The following PCDH15 variants were observed in gnomAD, a reference collection of about 807,000 sequenced individuals.
PCDH15 encodes the protein protocadherin-15.
A neutral mutation model predicts 178.5 loss-of-function variants in PCDH15; 129 were observed. The ratio of observed to expected loss-of-function variants is 0.72; its 90% CI spans 0.63 to 0.84. The LOEUF (loss-of-function observed/expected upper bound fraction) is 0.84, where lower values mean the gene tolerates loss of function less well. Among genes scored for constraint, PCDH15 ranks in the 40% least tolerant of loss-of-function variants. The pLI, the probability that PCDH15 is intolerant of heterozygous loss-of-function variation, is 0.00. For missense variants in PCDH15, 2,230 were observed against 2,099.9 expected, an observed-to-expected ratio of 1.06 and a Z score of -1.21; for synonymous variants, 800 against 732.0, an observed-to-expected ratio of 1.09 and a Z score of -1.50.
chr10:55,071,641 A>G (rs565053239), intron 2 of PCDH15, among the ~76,000 whole-genome samples: 1 of 152,246 alleles, frequency 6.6e-6, no homozygotes, highest in Admixed American at 6.5e-5. Context: ...CCCACACAAT[A>G]ATAATGGGAG....
intron 1 of PCDH15, among the ~76,000 whole-genome samples, chr10:54,671,539 T>C (rs1327229525): frequency 6.6e-6 from 1 of 152,164 alleles, no homozygotes; most frequent in African/African-American, 2.4e-5. Flanking sequence ...TAGTTAAAAC[T>C]TGTGAGAATC....
intron 32 of PCDH15, chr10:53,823,764 C>A: frequency 2.2e-6 from 1 of 451,484 alleles, no homozygotes; most frequent in Non-Finnish European, 4.4e-6. Context: ...GCCTGTTACG[C>A]ATAGAAGATT....
intron 2 of PCDH15, among the ~76,000 whole-genome samples, chr10:55,471,904 A>T (rs1839963392): frequency 6.6e-6 from 1 of 152,162 alleles, no homozygotes; most frequent in Non-Finnish European, 1.5e-5. Context: ...AATGAGCCAA[A>T]CTAAAGTTAG....
chr10:54,266,992 A>T (rs1346351798), intron 8 of PCDH15, among the ~76,000 whole-genome samples: 1 of 151,936 alleles, frequency 6.6e-6, no homozygotes, highest in African/African-American at 2.4e-5. Flanking sequence ...AGAAAACCCT[A>T]GGCCAATATA....
chr10:53,821,873 T>TTGAC lies in PCDH15; in HGVS notation c.4368-1647_4368-1644dup, dbSNP rs757543551. The TTGAC allele has an allele frequency of 7.4e-6, 12 of 1,613,302 alleles. No individual in the cohort carries two copies. Among genetic ancestry groups the TTGAC allele is most frequent in the East Asian group, 2.2e-5 (1 of 44,860 alleles). ...AAAAGCAACATTACAGTGAAGTAGATTGACTGTGAGATTGTTTTTCAGTTC... is the reference window on the plus strand; with the variant it reads ...AAAAGCAACATTACAGTGAAGTAGATTGACTGACTGTGAGATTGTTTTTCAGTTC... On this transcript the variant is annotated intron_variant, in intron 32 of 37. Coordinates refer to ENST00000644397, the MANE Select transcript of PCDH15 (RefSeq NM_001384140.1).
At chr10:54,033,584 G>A (rs2093351367) in intron 18 of PCDH15, among the ~76,000 whole-genome samples, 1 of 151,778 alleles carries the variant, frequency 6.6e-6, no homozygotes, top group East Asian at 1.9e-4. Context: ...GCAACTCAGG[G>A]TATCTCTGAG....
intron 2 of PCDH15, among the ~76,000 whole-genome samples, chr10:54,934,894 C>A (rs1837867381): frequency 6.6e-6 from 1 of 151,936 alleles, no homozygotes; most frequent in South Asian, 2.1e-4. Context: ...GAATACTATG[C>A]AGCCATAAAA....
At chr10:54,206,582 C>T (rs1016507801) in intron 10 of PCDH15, among the ~76,000 whole-genome samples, 2 of 152,042 alleles carry the variant, frequency 1.3e-5, no homozygotes, top group African/African-American at 2.4e-5. Context: ...AAAGTACCTT[C>T]TATGAATTAG....
chr10:55,625,447 G>C lies in PCDH15; in HGVS notation c.-156+2178C>G, dbSNP rs140051778. Among the ~76,000 whole-genome samples, 81 of 152,178 alleles carry C rather than the reference G, an allele frequency of 5.3e-4. 2 individuals carry two copies. In the East Asian group the frequency reaches 0.014, roughly 27 times the overall value. ...CTGTAAATTTCATAGAATACTTCTT[G>C]AACTAGCAGAACTGGAATCACCCAT... On this transcript the variant is annotated intron_variant, in intron 2 of 5. Transcript: ENST00000613346.
chr10:53,919,609 A>G (rs910276790), intron 25 of PCDH15, among the ~76,000 whole-genome samples: 2 of 152,180 alleles, frequency 1.3e-5, no homozygotes, highest in African/African-American at 4.8e-5. Context: ...CTCAACTAGG[A>G]GAAGGCATAA....
intron 2 of PCDH15, among the ~76,000 whole-genome samples, chr10:54,604,362 A>C (rs2092661281): frequency 6.6e-6 from 1 of 151,950 alleles, no homozygotes; most frequent in Non-Finnish European, 1.5e-5. Context: ...GTCCATTATT[A>C]AAAGTGGAAT....
chr10:54,327,760 T>A (rs530385577), intron 7 of PCDH15, among the ~76,000 whole-genome samples: 1 of 152,138 alleles, frequency 6.6e-6, no homozygotes, highest in Non-Finnish European at 1.5e-5. Context: ...ATGAGCAAGA[T>A]TACAACGCTT....
intron 8 of PCDH15, among the ~76,000 whole-genome samples, chr10:54,295,780 T>C (rs1328450040): frequency 2.0e-5 from 3 of 152,128 alleles, no homozygotes; most frequent in Non-Finnish European, 4.4e-5. Flanking sequence ...TCGGACCCCT[T>C]TCACTTGCAA....
At chr10:53,983,738 T>C (rs144003145) in intron 21 of PCDH15, among the ~76,000 whole-genome samples, 262 of 152,302 alleles carry the variant, frequency 1.7e-3, no homozygotes, top group African/African-American at 5.5e-3. Flanking sequence ...GAAGTTGACA[T>C]TTGGCACACC....
At chr10:53,816,432 A>G (rs936818297) in intron 34 of PCDH15, among the ~76,000 whole-genome samples, 155 bp from the exon 35 acceptor site, 6 of 152,216 alleles carry the variant, frequency 3.9e-5, no homozygotes, top group African/African-American at 9.6e-5. Context: ...AAAGCATTAA[A>G]TATTTTAACT....
chr10:55,457,772 T>A (rs1358047581), intron 2 of PCDH15, among the ~76,000 whole-genome samples: 1 of 150,722 alleles, frequency 6.6e-6, no homozygotes, highest in Non-Finnish European at 1.5e-5. Flanking sequence ...ATATGGCAGG[T>A]TAAACCAATA....
chr10:54,382,256 GC>G (rs1179273343), intron 3 of PCDH15, among the ~76,000 whole-genome samples: 2 of 151,958 alleles, frequency 1.3e-5, no homozygotes, highest in African/African-American at 4.8e-5. Flanking sequence ...CTCTTTATTA[GC>G]CTATTAATTC....
In PCDH15 at chr10:54,016,465, G is replaced by T. The variant is rs116311436; in HGVS notation, c.2751+3727C>A. Reference sequence around the variant, plus strand: ...ATGCTATTCACAGTAATAAAGACATGAAATCAATCAACCTAAATGCCCATC... The same window carrying T: ...ATGCTATTCACAGTAATAAAGACATTAAATCAATCAACCTAAATGCCCATC... On this transcript the variant is annotated intron_variant, in intron 20 of 37. Coordinates refer to ENST00000644397, the MANE Select transcript of PCDH15 (RefSeq NM_001384140.1). Among the ~76,000 whole-genome samples the T allele has an allele frequency of 6.7e-3, 1,023 of 151,826 alleles. 12 individuals carry two copies. The highest frequency in any genetic ancestry group is 0.023 in the African/African-American group (952 of 41,474).
intron 2 of PCDH15, among the ~76,000 whole-genome samples, chr10:55,407,047 A>G (rs1283770854): frequency 6.6e-6 from 1 of 152,180 alleles, no homozygotes; most frequent in African/African-American, 2.4e-5. Flanking sequence ...CAGATCATCT[A>G]TGGCCTTGAC....
Sources: gnomAD v4.1 joint callset for allele counts (sites outside exome capture counted in the v4.1 genomes callset) on GRCh38, gnomAD v4.1.1 for gene constraint, MANE v1.5 for transcripts, NCBI Gene and HGNC (gene_info 2026-07-23, HGNC 2026-07-21) for gene names.